Variants in ANKRD39 observed in about 807,000 individuals in gnomAD.
ANKRD39 encodes ankyrin repeat domain 39, also known as ankyrin repeat domain-containing protein 39.
Under a neutral mutation model 20.3 loss-of-function variants are expected in ANKRD39, and 18 were observed. That is an observed-to-expected ratio of 0.89 (90% CI 0.61 to 1.32). The LOEUF (loss-of-function observed/expected upper bound fraction) is 1.32, where lower values mean the gene tolerates loss of function less well. ANKRD39 is among the 40% of genes most tolerant of loss of function. ANKRD39 has a pLI of 0.00. For synonymous variants in ANKRD39, 106 were observed against 111.9 expected (o/e 0.95, Z 0.33); for missense variants, 243 against 250.7 (o/e 0.97, Z 0.21).
At chr2:96,855,910 G>A (rs2079860720) in intron 1 of ANKRD39, among the ~76,000 whole-genome samples, 1 of 152,120 alleles carries the variant, frequency 6.6e-6, no homozygotes, top group Admixed American at 6.6e-5. Flanking sequence ...AACCTGGGAG[G>A]TGGAGCTTGC....
intron 3 of ANKRD39, among the ~76,000 whole-genome samples, chr2:96,851,448 A>G (rs1012193483): frequency 6.6e-6 from 1 of 151,916 alleles, no homozygotes. Flanking sequence ...GAGCCACCAC[A>G]CCCGGCCTAA....
At chr2:96,848,537 AGAGGCCTCTCT>A in intron 3 of ANKRD39, 93 bp from the exon 4 acceptor site, 1 of 1,532,720 alleles carries the variant, frequency 6.5e-7, no homozygotes, top group South Asian at 1.2e-5. Flanking sequence ...CTTCTAAAAA[AGAGGCCTCTCT>A]GGGCGCAGTG....
chr2:96,853,304 T>C, intron 3 of ANKRD39, 97 bp downstream of exon 3: 1 of 1,388,376 alleles, frequency 7.2e-7, no homozygotes, highest in South Asian at 1.3e-5. Flanking sequence ...TTAACTGTCT[T>C]CTCTCTGATT....
At chr2:96,848,813 T>TC (rs748672225) in intron 3 of ANKRD39, among the ~76,000 whole-genome samples, 63 of 151,460 alleles carry the variant, frequency 4.2e-4, no homozygotes, top group Admixed American at 3.9e-4. Context: ...AGAGCGAGAC[T>TC]CCAACTCAAA....
At chr2:96,849,240 A>G (rs925482627) in intron 3 of ANKRD39, among the ~76,000 whole-genome samples, 9 of 152,172 alleles carry the variant, frequency 5.9e-5, no homozygotes, top group African/African-American at 2.2e-4. Flanking sequence ...GCAGTCTGCA[A>G]TTCCTGGGCT....
intron 3 of ANKRD39, among the ~76,000 whole-genome samples, chr2:96,849,217 A>G (rs1348791413): frequency 6.6e-6 from 1 of 152,196 alleles, no homozygotes; most frequent in Non-Finnish European, 1.5e-5. Context: ...CAGTAGTGCA[A>G]TTATAGCTCA....
chr2:96,854,243 A>C, intron 2 of ANKRD39, 95 bp downstream of exon 2: 1 of 1,205,652 alleles, frequency 8.3e-7, no homozygotes, highest in South Asian at 1.5e-5. Flanking sequence ...GGGAGGGAGG[A>C]GGTAAAAGGT....
intron 1 of ANKRD39, among the ~76,000 whole-genome samples, 161 bp from the exon 2 acceptor site, chr2:96,854,602 C>T (rs1404940732): frequency 6.6e-6 from 1 of 152,198 alleles, no homozygotes; most frequent in Non-Finnish European, 1.5e-5. Flanking sequence ...GTTCTGAATG[C>T]TGGTGACTTA....
At chr2:96,854,593 T>C (rs2079854332) in intron 1 of ANKRD39, 152 bp from the exon 2 acceptor site, 1 of 750,606 alleles carries the variant, frequency 1.3e-6, no homozygotes, top group Admixed American at 2.4e-5. Context: ...TCAAGGTTTG[T>C]TCTGAATGCT....
intron 3 of ANKRD39, among the ~76,000 whole-genome samples, chr2:96,851,146 A>G (rs1289217365): frequency 6.7e-6 from 1 of 149,408 alleles, no homozygotes; most frequent in Non-Finnish European, 1.5e-5. Context: ...GGTGTGTGCC[A>G]CCACACCTGG....
intron 2 of ANKRD39, among the ~76,000 whole-genome samples, chr2:96,854,115 A>C (rs1431811930): frequency 6.6e-6 from 1 of 152,228 alleles, no homozygotes; most frequent in East Asian, 1.9e-4. Context: ...TAACAGAGCA[A>C]GACTTCATCT....
chr2:96,855,566 T>C (rs1022003322), intron 1 of ANKRD39, among the ~76,000 whole-genome samples: 1 of 151,522 alleles, frequency 6.6e-6, no homozygotes, highest in Non-Finnish European at 1.5e-5. Context: ...CTACTAAAAA[T>C]ACAAAAATTA....
chr2:96,857,142 G>A (rs770739165), intron 1 of ANKRD39, among the ~76,000 whole-genome samples: 11 of 152,186 alleles, frequency 7.2e-5, no homozygotes, highest in Non-Finnish European at 1.3e-4. Context: ...GCAGTGCAGA[G>A]GACAGCGGTA....
Position 96,853,430 on chromosome 2 carries a change from C to T in ANKRD39, c.379G>A (p.Asp127Asn). ...LSHGSNPRVV[D>N]DDGMTSLHKA... ...TGCAGACTGGTCATGCCGTCGTCAT[C>T]CACCACCCTGGGGTTGGACCCATGT... Residue 127 changes from aspartate (D) to asparagine (N), a missense_variant, in exon 3 of 4, where the codon GAT (aspartate) becomes AAT (asparagine). Physicochemically the swap from Asp to Asn is conservative, Grantham distance 23. Coordinates refer to ENST00000393537, the MANE Select transcript of ANKRD39 (RefSeq NM_016466.6). 2 of 1,589,138 alleles carry T rather than the reference C, an allele frequency of 1.3e-6. No homozygotes were observed. Among genetic ancestry groups the T allele is most frequent in the Non-Finnish European group, 1.7e-6 (2 of 1,168,084 alleles).
Position 96,854,397 on chromosome 2 carries a change from G to A in ANKRD39, c.145C>T (p.His49Tyr). The change falls in exon 2 of 4, where the codon CAT becomes TAT. Residue 49 changes from histidine (H) to tyrosine (Y), a missense_variant. Physicochemically the swap from His to Tyr is moderately conservative, Grantham distance 83 (BLOSUM62 2). Coordinates refer to ENST00000393537, the MANE Select transcript of ANKRD39 (RefSeq NM_016466.6). ...ALNGDLGRVKHLIQKAEDPSQ... is the reference protein window; with the variant it reads ...ALNGDLGRVKYLIQKAEDPSQ... ...GGGTCCTCGGCCTTCTGGATTAAATGCTTCACTCGGCCCAGGTCTCCATTC... is the reference window on the plus strand; with the variant it reads ...GGGTCCTCGGCCTTCTGGATTAAATACTTCACTCGGCCCAGGTCTCCATTC... 6.2e-7 allele frequency: 1 copy of A among 1,614,148 alleles called. No homozygotes were observed. Among genetic ancestry groups the A allele is most frequent in the Non-Finnish European group, 8.5e-7 (1 of 1,180,032 alleles).
At position 96,854,361 on chromosome 2, in the gene ANKRD39, C is replaced by T. The variant is rs760382612; in HGVS notation, c.181G>A (p.Asp61Asn). ...IQKAEDPSQP[D>N]SAGYTALHYA... is the part of the protein sequence containing the mutation. ...ACCAGCGCAGTGTAGCCGGCCGAGT[C>T]GGGCTGACTTGGGTCCTCGGCCTTC... Residue 61 changes from aspartate to asparagine, a missense_variant, in exon 2 of 4, where the codon GAC becomes AAC. Physicochemically the swap from Asp to Asn is conservative, Grantham distance 23 (BLOSUM62 1). Transcript: ENST00000393537. 14 of 1,614,002 alleles carry T rather than the reference C, an allele frequency of 8.7e-6. No individual in the cohort carries two copies. Among genetic ancestry groups the T allele is most frequent in the East Asian group, 6.7e-5 (3 of 44,898 alleles).
chr2:96,849,880 G>C (rs1300389911), intron 3 of ANKRD39, among the ~76,000 whole-genome samples: 1 of 152,118 alleles, frequency 6.6e-6, no homozygotes, highest in Non-Finnish European at 1.5e-5. Context: ...CAATCCAGAT[G>C]TCAATTTCTA....
intron 3 of ANKRD39, 22 bp from the exon 4 acceptor site, chr2:96,848,466 T>A: frequency 6.2e-7 from 1 of 1,613,076 alleles, no homozygotes; most frequent in Non-Finnish European, 8.5e-7. Flanking sequence ...AAGGCTGGAA[T>A]CAAAGGGCAT....
chr2:96,848,964 G>A (rs1208716572), intron 3 of ANKRD39, among the ~76,000 whole-genome samples: 1 of 151,302 alleles, frequency 6.6e-6, no homozygotes, highest in Non-Finnish European at 1.5e-5. Context: ...TCTTTCTTGT[G>A]TCCTTTGCCA....
Sources: allele counts gnomAD v4.1 joint callset (sites outside exome capture counted in the v4.1 genomes callset), GRCh38; gene constraint gnomAD v4.1.1; transcripts MANE v1.5; gene names NCBI Gene and HGNC (gene_info 2026-07-23, HGNC 2026-07-21).